DIAPH2: variants seen among roughly 807,000 people sequenced by gnomAD.
DIAPH2 encodes the protein protein diaphanous homolog 2.
A neutral mutation model predicts 92.7 loss-of-function variants in DIAPH2; 35 were observed. That is an observed-to-expected ratio of 0.38 (90% CI 0.29 to 0.50). The LOEUF is 0.50. DIAPH2 is among the 20% of genes least tolerant of loss of function. The pLI, the probability that DIAPH2 is intolerant of heterozygous loss-of-function variation, is 0.94. For synonymous variants in DIAPH2, 301 were observed against 280.4 expected (o/e 1.07, Z -0.73); for missense variants, 701 against 819.5 (o/e 0.86, Z 1.77).
chrX:96,939,791 T>A (rs1472328733), intron 12 of DIAPH2, among the ~76,000 whole-genome samples: 5 of 75,871 alleles, frequency 6.6e-5, no homozygotes, highest in Admixed American at 1.3e-4. Context: ...CAGCCTCCCG[T>A]GTAGCTGGGA....
chrX:97,307,122 G>C (rs1445080233), intron 23 of DIAPH2, among the ~76,000 whole-genome samples: 1 of 111,781 alleles, frequency 8.9e-6, no homozygotes, highest in Non-Finnish European at 1.9e-5. Context: ...CCCACTGAAA[G>C]GCTGCTTGCT....
intron 24 of DIAPH2, among the ~76,000 whole-genome samples, chrX:97,369,722 T>C (rs182477741): frequency 1.8e-5 from 2 of 111,527 alleles, no homozygotes; most frequent in East Asian, 5.6e-4. Flanking sequence ...CAACAAATCA[T>C]CAAACAATCA....
chrX:96,894,553 G>C (rs1337442889), intron 5 of DIAPH2, among the ~76,000 whole-genome samples: 2 of 111,421 alleles, frequency 1.8e-5, no homozygotes, highest in African/African-American at 6.5e-5. Context: ...TTTGAGGTTC[G>C]CATTATGAGC....
chrX:96,955,882 T>A (rs2065807276), intron 15 of DIAPH2, among the ~76,000 whole-genome samples: 1 of 112,504 alleles, frequency 8.9e-6, no homozygotes, highest in African/African-American at 3.2e-5. Context: ...GTGTTGCGTG[T>A]TTGTGGCTTT....
At chrX:97,218,455 A>T (rs1480051598) in intron 22 of DIAPH2, among the ~76,000 whole-genome samples, 1 of 111,901 alleles carries the variant, frequency 8.9e-6, no homozygotes, top group Non-Finnish European at 1.9e-5. Flanking sequence ...TAAAATGCAC[A>T]TGTAATGAAC....
intron 4 of DIAPH2, among the ~76,000 whole-genome samples, chrX:96,821,767 G>A (rs948069044): frequency 3.6e-5 from 4 of 111,160 alleles, no homozygotes; most frequent in African/African-American, 1.3e-4. Context: ...AACTTTTATG[G>A]CCTTTGAAAG....
chrX:97,389,278 C>G (rs1055828327), intron 25 of DIAPH2, among the ~76,000 whole-genome samples: 26 of 108,916 alleles, frequency 2.4e-4, no homozygotes, highest in Admixed American at 2.3e-3. Context: ...ACCAGCCTGG[C>G]CAAGATGGTG....
At chrX:96,998,778 C>T (rs774739777) in intron 17 of DIAPH2, among the ~76,000 whole-genome samples, 4 of 111,645 alleles carry the variant, frequency 3.6e-5, no homozygotes, top group Non-Finnish European at 5.6e-5. Context: ...GGGTTCAAAA[C>T]TCACTTAAAC....
intron 17 of DIAPH2, among the ~76,000 whole-genome samples, chrX:97,058,120 G>A (rs144782459): frequency 5.7e-4 from 64 of 111,541 alleles, no homozygotes; most frequent in African/African-American, 1.9e-3. Context: ...AACATGGATC[G>A]TTGAACAGTA....
At chrX:96,999,114 G>A (rs958536773) in intron 17 of DIAPH2, among the ~76,000 whole-genome samples, 2 of 111,605 alleles carry the variant, frequency 1.8e-5, no homozygotes, top group Non-Finnish European at 1.9e-5. Context: ...TCCCTATAGT[G>A]TCTGTGAGCT....
intron 26 of DIAPH2, among the ~76,000 whole-genome samples, chrX:97,456,983 C>T (rs7891672): frequency 6.5e-4 from 73 of 111,642 alleles, no homozygotes; most frequent in African/African-American, 2.4e-3. Context: ...TTTACATTTC[C>T]CTGATTATCT....
chrX:97,163,773 T>A lies in DIAPH2; in HGVS notation c.2719+21979T>A, dbSNP rs930865951. 4.5e-5 allele frequency among the ~76,000 whole-genome samples: 5 copies of A among 112,193 alleles called. No homozygotes were observed. The South Asian group carries it at 1.8e-3, about 41-fold the overall frequency. ...ATGCTTATATTTAGTTCCTTATTCCTCTTAGCCTGTTGCCTTTAGCTCCCT... is the reference window on the plus strand; with the variant it reads ...ATGCTTATATTTAGTTCCTTATTCCACTTAGCCTGTTGCCTTTAGCTCCCT... On this transcript the variant is annotated intron_variant, in intron 22 of 26. Transcript: ENST00000324765.
intron 23 of DIAPH2, among the ~76,000 whole-genome samples, chrX:97,320,480 G>T (rs1206138008): frequency 1.8e-5 from 2 of 111,022 alleles, no homozygotes; most frequent in Non-Finnish European, 3.8e-5. Flanking sequence ...CTGGGAAGCC[G>T]AGGCGGGCGG....
intron 17 of DIAPH2, among the ~76,000 whole-genome samples, chrX:97,040,453 G>A (rs936974543): frequency 1.8e-5 from 2 of 110,607 alleles, no homozygotes; most frequent in Non-Finnish European, 3.8e-5. Context: ...TGAGACTTGT[G>A]TTGCATTGAA....
chrX:96,888,595 ATATATATATC>A (rs1430944826), intron 5 of DIAPH2, among the ~76,000 whole-genome samples: 47 of 99,290 alleles, frequency 4.7e-4, no homozygotes, highest in South Asian at 2.6e-3. Context: ...ATATATACAG[ATATATATATC>A]TATATATATC....
intron 7 of DIAPH2, among the ~76,000 whole-genome samples, chrX:96,915,206 A>C (rs760864227): frequency 9.0e-6 from 1 of 110,891 alleles, no homozygotes; most frequent in East Asian, 2.8e-4. Context: ...ACATTAAGTA[A>C]AATTTTTAAA....
chrX:96,774,217 G>A (rs765475717), intron 4 of DIAPH2, among the ~76,000 whole-genome samples: 29 of 112,093 alleles, frequency 2.6e-4, no homozygotes, highest in South Asian at 1.9e-3. Flanking sequence ...AATCCAGTCA[G>A]GCTGACTTCA....
chrX:96,791,206 G>A (rs1393103758), intron 4 of DIAPH2, among the ~76,000 whole-genome samples: 1 of 111,749 alleles, frequency 8.9e-6, no homozygotes, highest in Non-Finnish European at 1.9e-5. Flanking sequence ...ATGAAAGAGG[G>A]AGTTTCCAGA....
At chrX:97,403,326 C>A (rs1018979181) in intron 25 of DIAPH2, among the ~76,000 whole-genome samples, 4 of 112,187 alleles carry the variant, frequency 3.6e-5, no homozygotes, top group Admixed American at 2.8e-4. Flanking sequence ...ATCTTTGTCA[C>A]AAATAAAAAA....
Sources: allele counts gnomAD v4.1 joint callset (sites outside exome capture counted in the v4.1 genomes callset), GRCh38; gene constraint gnomAD v4.1.1; transcripts MANE v1.5; gene names NCBI Gene and HGNC (gene_info 2026-07-23, HGNC 2026-07-21).